Variants in OR51B5 observed in about 807,000 individuals in gnomAD.
OR51B5 encodes olfactory receptor 51B5.
For missense variants in OR51B5, 456 were observed against 374.6 expected, an observed-to-expected ratio of 1.22 and a Z score of -1.79; for synonymous variants, 186 against 144.8, an observed-to-expected ratio of 1.28 and a Z score of -2.04.
intron 1 of OR51B5, chr11:5,383,794 T>G (rs1439509064): frequency 6.6e-6 from 1 of 152,166 alleles, no homozygotes; most frequent in Non-Finnish European, 1.5e-5. Context: ...TTTAGGAGGA[T>G]AAATCCTTCT....
chr11:5,350,050 G>A (rs1849053452), intron 1 of OR51B5, among the ~76,000 whole-genome samples: 1 of 152,158 alleles, frequency 6.6e-6, no homozygotes, highest in South Asian at 2.1e-4. Context: ...ACACCTCTGG[G>A]TGAATAATCC....
At chr11:5,388,542 T>G (rs1289089220) in intron 1 of OR51B5, among the ~76,000 whole-genome samples, 1 of 147,344 alleles carries the variant, frequency 6.8e-6, no homozygotes, top group African/African-American at 2.5e-5. Flanking sequence ...TGTTTACCTA[T>G]GAGCAAGCAT....
At chr11:5,424,443 G>A (rs896701955) in intron 1 of OR51B5, among the ~76,000 whole-genome samples, 7 of 152,124 alleles carry the variant, frequency 4.6e-5, no homozygotes. Context: ...TGAATCCCAG[G>A]TCACCACACA....
At chr11:5,453,207 C>T (rs1282780893) in intron 1 of OR51B5, 1 of 265,782 alleles carries the variant, frequency 3.8e-6, no homozygotes, top group Non-Finnish European at 7.0e-6. Context: ...TTCCTTTTAA[C>T]TAATTTCTAT....
At chr11:5,384,131 G>A (rs1347917780) in intron 1 of OR51B5, among the ~76,000 whole-genome samples, 2 of 152,124 alleles carry the variant, frequency 1.3e-5, no homozygotes, top group Admixed American at 6.5e-5. Context: ...CCTGCACTAA[G>A]CCTAATGGGA....
chr11:5,429,104 G>A (rs562678639), intron 1 of OR51B5, among the ~76,000 whole-genome samples: 9 of 152,128 alleles, frequency 5.9e-5, no homozygotes, highest in Non-Finnish European at 1.2e-4. Context: ...CACACACAGA[G>A]CCAGACTCAG....
chr11:5,497,481 C>T (rs554293022), intron 1 of OR51B5, among the ~76,000 whole-genome samples: 2 of 152,136 alleles, frequency 1.3e-5, no homozygotes, highest in Non-Finnish European at 2.9e-5. Context: ...GTGATGTAGA[C>T]CCCCAGGCTC....
chr11:5,488,798 C>G, intron 1 of OR51B5: 1 of 1,614,050 alleles, frequency 6.2e-7, no homozygotes, highest in Non-Finnish European at 8.5e-7. Flanking sequence ...TTCTGGATTG[C>G]CATCCCTTTC....
intron 1 of OR51B5, among the ~76,000 whole-genome samples, chr11:5,378,777 A>G (rs980104633): frequency 3.3e-5 from 5 of 151,988 alleles, no homozygotes; most frequent in Non-Finnish European, 5.9e-5. Flanking sequence ...ATCTCATACC[A>G]GTTAGAATGG....
chr11:5,351,665 T>C (rs1414388320), intron 1 of OR51B5: 1 of 1,614,082 alleles, frequency 6.2e-7, no homozygotes. Context: ...GATCATAACC[T>C]CCATGAGCCC....
At chr11:5,477,792 C>A (rs542848223) in intron 1 of OR51B5, among the ~76,000 whole-genome samples, 2 of 152,176 alleles carry the variant, frequency 1.3e-5, no homozygotes, top group African/African-American at 2.4e-5. Flanking sequence ...CTGAATATTG[C>A]GCTTTTCGGA....
intron 1 of OR51B5, chr11:5,488,839 A>G (rs757149574): frequency 6.2e-7 from 1 of 1,613,864 alleles, no homozygotes; most frequent in Non-Finnish European, 8.5e-7. Flanking sequence ...ACTGGTTGGA[A>G]ATGCTGCCCT....
intron 1 of OR51B5, among the ~76,000 whole-genome samples, chr11:5,394,411 T>A (rs1444110366): frequency 6.6e-6 from 1 of 152,154 alleles, no homozygotes; most frequent in East Asian, 1.9e-4. Flanking sequence ...AAACATAAAA[T>A]CAGCCAAAGC....
intron 1 of OR51B5, chr11:5,505,446 C>T (rs1465431128): frequency 7.7e-7 from 1 of 1,303,804 alleles, no homozygotes; most frequent in Non-Finnish European, 1.0e-6. Flanking sequence ...TGGACAAAAA[C>T]TATCCCCTAA....
chr11:5,358,285 A>C (rs1423161152), intron 1 of OR51B5, among the ~76,000 whole-genome samples: 9 of 152,154 alleles, frequency 5.9e-5, no homozygotes, highest in Non-Finnish European at 1.0e-4. Flanking sequence ...AATCAAATAG[A>C]TGCAATAAAA....
At position 5,429,939 on chromosome 11, in the gene OR51B5, T is replaced by A. The variant is rs1462911573; in HGVS notation, n.84+75630A>T. 1.3e-4 allele frequency among the ~76,000 whole-genome samples: 20 copies of A among 152,322 alleles called. No homozygotes were observed. The South Asian group carries it at 3.1e-3, about 24-fold the overall frequency. Reference sequence around the variant, plus strand: ...TATTTCATGCTTCAGTTGAGGTCTTTTGGTCAGCTGTTCATTCTCAGAGTG... The same window carrying A: ...TATTTCATGCTTCAGTTGAGGTCTTATGGTCAGCTGTTCATTCTCAGAGTG... On this transcript the variant is annotated intron_variant and non_coding_transcript_variant, in intron 1 of 4. Coordinates refer to the OR51B5 transcript ENST00000415970.
At chr11:5,348,144 C>T (rs1201628219), upstream of OR51B5, among the ~76,000 whole-genome samples, 1 of 152,064 alleles carries the variant, frequency 6.6e-6, no homozygotes, top group Non-Finnish European at 1.5e-5. Flanking sequence ...GGCATGGGTC[C>T]TAAAGACTCC....
intron 1 of OR51B5, among the ~76,000 whole-genome samples, chr11:5,472,602 A>G (rs559228358): frequency 2.7e-4 from 41 of 152,322 alleles, no homozygotes; most frequent in African/African-American, 9.4e-4. Flanking sequence ...AAAAATCTTG[A>G]GTGAAGGACT....
intron 1 of OR51B5, chr11:5,449,270 G>A (rs979596129): frequency 6.6e-6 from 1 of 152,232 alleles, no homozygotes; most frequent in Non-Finnish European, 1.5e-5. Flanking sequence ...CTACCGCAGG[G>A]CCTGTCATGA....
Sources: gnomAD v4.1 joint callset for allele counts (sites outside exome capture counted in the v4.1 genomes callset) on GRCh38, gnomAD v4.1.1 for gene constraint, MANE v1.5 for transcripts, NCBI Gene and HGNC (gene_info 2026-07-23, HGNC 2026-07-21) for gene names.